The following TJP2 variants were observed in gnomAD, a reference collection of about 807,000 sequenced individuals.
TJP2 encodes Friedreich ataxia region gene X104 (tight junction protein ZO-2).
In TJP2, 91 loss-of-function variants were observed where a neutral mutation model predicts 133.1. That is an observed-to-expected ratio of 0.68 (90% confidence interval 0.58 to 0.81). TJP2 has a LOEUF of 0.81. Ranked by LOEUF, TJP2 falls within the 40% of genes least tolerant of loss-of-function variation. The pLI, the probability that TJP2 is intolerant of heterozygous loss-of-function variation, is 0.00. For missense variants in TJP2, 1,541 were observed against 1,565.6 expected (o/e 0.98, Z 0.26); for synonymous variants, 592 against 583.4 (o/e 1.01, Z -0.21).
chr9:69,224,432 C>T (rs1452673108), intron 5 of TJP2, among the ~76,000 whole-genome samples: 2 of 152,222 alleles, frequency 1.3e-5, no homozygotes, highest in South Asian at 2.1e-4. Flanking sequence ...AATCCTAGCA[C>T]TTTGGGAGGC....
chr9:69,153,349 A>G (rs1823582294), intron 2 of TJP2, among the ~76,000 whole-genome samples: 1 of 151,950 alleles, frequency 6.6e-6, no homozygotes, highest in African/African-American at 2.4e-5. Context: ...TTGGGAGGCC[A>G]ATGTGGAAGG....
At chr9:69,239,793 A>G in intron 16 of TJP2, 144 bp from the exon 17 acceptor site, 1 of 823,734 alleles carries the variant, frequency 1.2e-6, no homozygotes, top group East Asian at 2.7e-5. Flanking sequence ...CAGCCTGGGC[A>G]ACAGAGCAAG....
At chr9:69,136,010 A>G (rs1306025760) in intron 1 of TJP2, among the ~76,000 whole-genome samples, 7 of 152,322 alleles carry the variant, frequency 4.6e-5, no homozygotes, top group East Asian at 3.9e-4. Flanking sequence ...GAGGAGAGAT[A>G]TTAGAGATAG....
At chr9:69,158,327 CAA>C (rs1156502519) in intron 2 of TJP2, among the ~76,000 whole-genome samples, 24 of 52,762 alleles carry the variant, frequency 4.5e-4, no homozygotes, top group Middle Eastern at 0.024. Flanking sequence ...GACTTTGCCT[CAA>C]AAAAAAAAAA....
intron 2 of TJP2, among the ~76,000 whole-genome samples, chr9:69,169,109 C>G (rs1340748779): frequency 6.6e-6 from 1 of 152,118 alleles, no homozygotes; most frequent in Non-Finnish European, 1.5e-5. Context: ...TAGCTGCTGC[C>G]TCAGCACTTT....
intron 1 of TJP2, among the ~76,000 whole-genome samples, chr9:69,143,954 T>C (rs1013140270): frequency 6.6e-6 from 1 of 152,238 alleles, no homozygotes; most frequent in South Asian, 2.1e-4. Context: ...TTAAAAGATA[T>C]TAGTTCTCAA....
At chr9:69,121,415 T>A, upstream of TJP2, 2 of 904,378 alleles carry the variant, frequency 2.2e-6, no homozygotes, top group Non-Finnish European at 2.6e-6. Context: ...GCTCTCTGGC[T>A]CGCCACCGCC....
intron 17 of TJP2, among the ~76,000 whole-genome samples, chr9:69,241,939 G>A (rs990425868): frequency 5.3e-5 from 8 of 152,178 alleles, no homozygotes; most frequent in Non-Finnish European, 1.2e-4. Flanking sequence ...TGAAGCCAAA[G>A]TGATTATAAA....
At chr9:69,229,272 T>C (rs755705314) in intron 10 of TJP2, 22 bp downstream of exon 10, 1 of 1,607,078 alleles carries the variant, frequency 6.2e-7, no homozygotes, top group Non-Finnish European at 8.5e-7. Flanking sequence ...CGTCTCTCTT[T>C]GTTTTCCCTT....
intron 18 of TJP2, among the ~76,000 whole-genome samples, chr9:69,247,778 G>T (rs1208558518): frequency 6.6e-6 from 1 of 152,168 alleles, no homozygotes; most frequent in East Asian, 1.9e-4. Context: ...ATGGAGGATG[G>T]ATGGTAGCAC....
chr9:69,211,700 T>C (rs1827926344), intron 1 of TJP2, among the ~76,000 whole-genome samples: 1 of 152,180 alleles, frequency 6.6e-6, no homozygotes, highest in Admixed American at 6.5e-5. Flanking sequence ...TGATAGAAAT[T>C]CTCCAGGGTT....
chr9:69,218,914 TA>T (rs59970647), intron 4 of TJP2, among the ~76,000 whole-genome samples: 62,458 of 151,454 alleles, frequency 0.41, 13,466 homozygotes, highest in African/African-American at 0.53. Flanking sequence ...AAAGTGTGCT[TA>T]GGGGCAATGC....
Position 69,240,028 on chromosome 9 carries a change from ACT to A in TJP2, c.2449_2450del (p.Ser817GlnfsTer24). The A allele has an allele frequency of 2.5e-6, 4 of 1,614,066 alleles. No individual in the cohort carries two copies. Among genetic ancestry groups the A allele is most frequent in the Non-Finnish European group, 3.4e-6 (4 of 1,180,002 alleles). On this transcript the variant is annotated frameshift_variant, in exon 17 of 23. Transcript: ENST00000377245. LOFTEE classifies it high-confidence loss of function. ...CCAATTGTGATTTTTTTCAACCCAG[ACT>A]CCAGACAAGGTGTCAAAACCATGAG... is the stretch of plus-strand genomic sequence containing the variant.
intron 9 of TJP2, among the ~76,000 whole-genome samples, chr9:69,228,570 ATG>A (rs1829523635): frequency 6.6e-6 from 1 of 152,206 alleles, no homozygotes; most frequent in Non-Finnish European, 1.5e-5. Flanking sequence ...ATATGTATGC[ATG>A]TGTGTATATA....
chr9:69,158,833 G>C (rs867854083), intron 2 of TJP2, among the ~76,000 whole-genome samples: 1 of 152,028 alleles, frequency 6.6e-6, no homozygotes, highest in African/African-American at 2.4e-5. Context: ...GGAATGGGGG[G>C]GTTCTTCACT....
At chr9:69,185,303 C>T (rs1825786665) in intron 1 of TJP2, among the ~76,000 whole-genome samples, 1 of 152,182 alleles carries the variant, frequency 6.6e-6, no homozygotes, top group Non-Finnish European at 1.5e-5. Flanking sequence ...CTCAGGTGAT[C>T]TGCCTGCCTT....
chr9:69,137,279 C>CCT (rs1564372556), intron 1 of TJP2, among the ~76,000 whole-genome samples: 7 of 99,292 alleles, frequency 7.0e-5, no homozygotes, highest in East Asian at 2.9e-4. Flanking sequence ...CTTTTTCTTT[C>CCT]TTTCTTTCTT....
chr9:69,241,738 G>A (rs1201022051), intron 17 of TJP2, among the ~76,000 whole-genome samples: 1 of 151,588 alleles, frequency 6.6e-6, no homozygotes, highest in Non-Finnish European at 1.5e-5. Flanking sequence ...AGCCTTCCAT[G>A]TGTGCTGTCT....
intron 1 of TJP2, among the ~76,000 whole-genome samples, chr9:69,179,746 G>A (rs951546073): frequency 2.6e-5 from 4 of 152,080 alleles, no homozygotes; most frequent in African/African-American, 7.2e-5. Flanking sequence ...TGATCCACCC[G>A]CCTCGGCCTC....
Sources: allele counts gnomAD v4.1 joint callset (sites outside exome capture counted in the v4.1 genomes callset), GRCh38; gene constraint gnomAD v4.1.1; transcripts MANE v1.5; gene names NCBI Gene and HGNC (gene_info 2026-07-23, HGNC 2026-07-21).